HS3ST3A1: variants seen among roughly 807,000 people sequenced by gnomAD.
The protein encoded by HS3ST3A1 is heparan sulfate-glucosamine 3-sulfotransferase 3A1, also known as heparan sulfate glucosamine 3-O-sulfotransferase 3A1.
Under a neutral mutation model 25.7 loss-of-function variants are expected in HS3ST3A1, and 19 were observed. The ratio of observed to expected loss-of-function variants is 0.74; its 90% CI spans 0.52 to 1.08. The LOEUF is 1.08. Among genes scored for constraint, HS3ST3A1 ranks in the 50% least tolerant of loss-of-function variants. HS3ST3A1 has a pLI of 0.00. For synonymous variants in HS3ST3A1, 226 were observed against 278.6 expected (o/e 0.81, Z 1.88); for missense variants, 459 against 594.3 (o/e 0.77, Z 2.37).
At chr17:13,512,772 T>C (rs900136579) in intron 1 of HS3ST3A1, among the ~76,000 whole-genome samples, 6 of 152,160 alleles carry the variant, frequency 3.9e-5, no homozygotes, top group Non-Finnish European at 5.9e-5. Flanking sequence ...AAAAAATAAA[T>C]TGTACTGCGT....
intron 1 of HS3ST3A1, among the ~76,000 whole-genome samples, chr17:13,518,183 A>ATTTATG (rs979643814): frequency 6.6e-6 from 1 of 152,192 alleles, no homozygotes; most frequent in African/African-American, 2.4e-5. Context: ...ATACACAAAT[A>ATTTATG]TTTATGTAAG....
intron 1 of HS3ST3A1, among the ~76,000 whole-genome samples, chr17:13,528,931 G>A (rs1487441108): frequency 6.6e-6 from 1 of 152,062 alleles, no homozygotes; most frequent in South Asian, 2.1e-4. Context: ...TGCAGTGGTC[G>A]GGGTGGGGGA....
At chr17:13,559,643 T>C (rs1050876662) in intron 1 of HS3ST3A1, among the ~76,000 whole-genome samples, 4 of 150,940 alleles carry the variant, frequency 2.7e-5, no homozygotes, top group Admixed American at 6.6e-5. Flanking sequence ...TCTTAGGCAA[T>C]TGATTATCTT....
chr17:13,517,352 T>C (rs1236276277), intron 1 of HS3ST3A1, among the ~76,000 whole-genome samples: 1 of 152,190 alleles, frequency 6.6e-6, no homozygotes, highest in Non-Finnish European at 1.5e-5. Context: ...AAAGGTAATG[T>C]CCCTGAGACA....
intron 1 of HS3ST3A1, among the ~76,000 whole-genome samples, chr17:13,562,657 G>A (rs2142366533): frequency 6.6e-6 from 1 of 152,140 alleles, no homozygotes; most frequent in South Asian, 2.1e-4. Flanking sequence ...ACCCTGGCCA[G>A]GCAGAGAATT....
At chr17:13,505,045 T>G in intron 1 of HS3ST3A1, among the ~76,000 whole-genome samples, 1 of 152,182 alleles carries the variant, frequency 6.6e-6, no homozygotes, top group East Asian at 1.9e-4. Flanking sequence ...GTAATTACAT[T>G]CCCTAATTTT....
chr17:13,551,629 G>C, intron 1 of HS3ST3A1, among the ~76,000 whole-genome samples: 1 of 149,056 alleles, frequency 6.7e-6, no homozygotes, highest in South Asian at 2.1e-4. Context: ...AAAAAAAGGG[G>C]GGGGGGTATT....
At chr17:13,513,327 A>G (rs976079442) in intron 1 of HS3ST3A1, among the ~76,000 whole-genome samples, 4 of 152,214 alleles carry the variant, frequency 2.6e-5, no homozygotes, top group Admixed American at 6.5e-5. Flanking sequence ...AAAACGAAAC[A>G]TGCTAGGCTC....
At chr17:13,564,940 G>A (rs960794569) in intron 1 of HS3ST3A1, among the ~76,000 whole-genome samples, 6 of 151,784 alleles carry the variant, frequency 4.0e-5, no homozygotes, top group East Asian at 1.9e-4. Flanking sequence ...CAGGCTGGTC[G>A]CAAACTCCTG....
At chr17:13,594,705 C>A (rs1046672063) in intron 1 of HS3ST3A1, among the ~76,000 whole-genome samples, 3 of 151,256 alleles carry the variant, frequency 2.0e-5, no homozygotes, top group Admixed American at 1.3e-4. Context: ...ATTGTGAAGC[C>A]AAATCTCTTA....
chr17:13,597,705 T>A (rs1008310134), intron 1 of HS3ST3A1, among the ~76,000 whole-genome samples: 3 of 152,220 alleles, frequency 2.0e-5, no homozygotes, highest in African/African-American at 7.2e-5. Flanking sequence ...TTTTGAATAA[T>A]AAATATTTTC....
rs529746897 is a variant in HS3ST3A1, at chr17:13,514,738, C to A, written c.600-17920G>T. Among the ~76,000 whole-genome samples the A allele has an allele frequency of 7.2e-5, 11 of 152,252 alleles. 1 individual carries two copies. In the South Asian group the frequency reaches 1.2e-3, roughly 17 times the overall value. On this transcript the variant is annotated intron_variant, in intron 1 of 1. Coordinates refer to ENST00000284110, the MANE Select transcript of HS3ST3A1 (RefSeq NM_006042.3). Reference sequence around the variant, plus strand: ...TGCCAGAGACGAGGAGAGGGTAAGACTACAAAGTGATAGCATGAGATTAAA... The same window carrying A: ...TGCCAGAGACGAGGAGAGGGTAAGAATACAAAGTGATAGCATGAGATTAAA...
intron 1 of HS3ST3A1, among the ~76,000 whole-genome samples, chr17:13,574,755 C>A (rs760177955): frequency 5.1e-4 from 35 of 68,110 alleles, no homozygotes; most frequent in South Asian, 1.8e-3. Context: ...CACACACACA[C>A]ACACAAAAAA....
chr17:13,596,691 C>T (rs1014415081), intron 1 of HS3ST3A1, among the ~76,000 whole-genome samples: 5 of 152,114 alleles, frequency 3.3e-5, no homozygotes, highest in African/African-American at 1.2e-4. Context: ...AAGGACAGAG[C>T]GCCCTTGGCC....
intron 1 of HS3ST3A1, among the ~76,000 whole-genome samples, chr17:13,508,951 A>C (rs573181049): frequency 6.6e-6 from 1 of 151,164 alleles, no homozygotes; most frequent in African/African-American, 2.5e-5. Flanking sequence ...TTTGAGGGTA[A>C]GCATCTCTTT....
At chr17:13,499,416 A>G (rs187465424) in intron 1 of HS3ST3A1, among the ~76,000 whole-genome samples, 1 of 152,260 alleles carries the variant, frequency 6.6e-6, no homozygotes, top group Non-Finnish European at 1.5e-5. Context: ...GCAATCATCA[A>G]CTACACTGAA....
At chr17:13,509,140 T>C (rs545829557) in intron 1 of HS3ST3A1, among the ~76,000 whole-genome samples, 3 of 152,166 alleles carry the variant, frequency 2.0e-5, no homozygotes, top group Admixed American at 2.0e-4. Context: ...TACTGACAAA[T>C]GAAGGAGGAG....
chr17:13,601,157 C>G lies in HS3ST3A1; in HGVS notation c.-28G>C, dbSNP rs73298111. The stretch of plus-strand genomic sequence containing the variant: ...TAGCCGGAGGCGACGTCGGGCAACG[C>G]GCCGGCCATGCTAGGCCTGGACCCC... On this transcript the variant is annotated 5_prime_UTR_variant, in exon 1 of 2. Transcript: ENST00000284110. The G allele has an allele frequency of 1.4e-6, 2 of 1,479,374 alleles. No individual in the cohort carries two copies. Among genetic ancestry groups the G allele is most frequent in the African/African-American group, 1.4e-5 (1 of 69,196 alleles). The allele number at this position is 1,479,374 out of a possible 1,614,324, so 91.6% of individuals were successfully genotyped here.
At chr17:13,549,775 C>T (rs935406850) in intron 1 of HS3ST3A1, among the ~76,000 whole-genome samples, 1 of 152,124 alleles carries the variant, frequency 6.6e-6, no homozygotes, top group Admixed American at 6.5e-5. Context: ...TTCCTTTTAG[C>T]GTCTAAGAAA....
Sources: gnomAD v4.1 joint callset for allele counts (sites outside exome capture counted in the v4.1 genomes callset) on GRCh38, gnomAD v4.1.1 for gene constraint, MANE v1.5 for transcripts, NCBI Gene and HGNC (gene_info 2026-07-23, HGNC 2026-07-21) for gene names.